The following PI4KA variants were observed in gnomAD, a reference collection of about 807,000 sequenced individuals.
PI4KA encodes PI4-kinase alpha.
PI4KA carries 122 observed loss-of-function variants against 271.4 expected under a neutral mutation model. That is an observed-to-expected ratio of 0.45 (90% CI 0.39 to 0.52). PI4KA has a LOEUF of 0.52. Among genes scored for constraint, PI4KA ranks in the 20% least tolerant of loss-of-function variants. The pLI is 0.00. For synonymous variants in PI4KA, 1,041 were observed against 1,078.8 expected (o/e 0.96, Z 0.69); for missense variants, 1,969 against 2,769.1 (o/e 0.71, Z 6.48).
At position 20,838,624 on chromosome 22, in the gene PI4KA, A is replaced by G; in HGVS notation, c.264T>C (p.Ser88=). The G allele has an allele frequency of 1.9e-6, 3 of 1,584,742 alleles. No homozygotes were observed. Among genetic ancestry groups the G allele is most frequent in the Non-Finnish European group, 2.6e-6 (3 of 1,153,362 alleles). ...VIALGIFLIE[S]DLQHKDCVVP... ...TTTCATGAAGACTTACCTGAAGATC[A>G]GATTCAATCAGAAAAATGCCCAATG... Residue 88 remains serine (S), a synonymous_variant, in exon 2 of 55, where the codon TCT becomes TCC. Coordinates refer to ENST00000255882, the MANE Select transcript of PI4KA (RefSeq NM_058004.4).
intron 32 of PI4KA, among the ~76,000 whole-genome samples, chr22:20,739,405 A>G (rs1929138111): frequency 6.6e-6 from 1 of 151,346 alleles, no homozygotes; most frequent in African/African-American, 2.4e-5. Context: ...AGGCCGAGGC[A>G]GCAGAATCAC....
intron 15 of PI4KA, 64 bp downstream of exon 15, chr22:20,799,607 G>A: frequency 2.7e-6 from 3 of 1,101,050 alleles, no homozygotes; most frequent in Non-Finnish European, 4.1e-6. Flanking sequence ...CACAATGCCA[G>A]GTGCCCCACA....
In PI4KA at chr22:20,858,672, G is replaced by C; in HGVS notation, c.54C>G (p.Gly18=). The C allele has an allele frequency of 6.8e-7, 1 of 1,468,994 alleles. No individual in the cohort carries two copies. Among genetic ancestry groups the C allele is most frequent in the Non-Finnish European group, 9.0e-7 (1 of 1,116,786 alleles). 91.0% of individuals were successfully genotyped at this position (1,468,994 alleles called of 1,614,324 possible). The change falls in exon 1 of 55, where the codon GGC becomes GGG. Residue 18 remains glycine, a synonymous_variant. Transcript: ENST00000255882. ...AGGCGCTGGAGCCGGAGCCGGAGCA[G>C]CCGCCGCCGCCTCCGCCTCCGCCTC... ...GGGGGGGGGG[G]CSGSGSSASR... is the part of the protein sequence containing the mutation.
At chr22:20,783,292 T>C (rs571973021) in intron 19 of PI4KA, among the ~76,000 whole-genome samples, 1 of 152,062 alleles carries the variant, frequency 6.6e-6, no homozygotes, top group South Asian at 2.1e-4. Context: ...GTGTGAGGGA[T>C]GAAGGCCATC....
At chr22:20,767,508 T>G (rs1322145025) in intron 19 of PI4KA, among the ~76,000 whole-genome samples, 1 of 152,102 alleles carries the variant, frequency 6.6e-6, no homozygotes, top group Non-Finnish European at 1.5e-5. Context: ...TTACCCAGGC[T>G]GGAGTGCAGT....
At chr22:20,774,561 G>A (rs552287332) in intron 19 of PI4KA, among the ~76,000 whole-genome samples, 188 of 152,240 alleles carry the variant, frequency 1.2e-3, no homozygotes, top group African/African-American at 4.2e-3. Flanking sequence ...AGGAGTTCAA[G>A]ACCAGCCTGA....
Position 20,783,943 on chromosome 22 carries a change from A to G in PI4KA, c.2328+9250T>C, listed in dbSNP as rs543743216. On this transcript the variant is annotated intron_variant, in intron 19 of 54. Coordinates refer to ENST00000255882, the MANE Select transcript of PI4KA (RefSeq NM_058004.4). ...ACGATTTCCCTAAAGGAACCTTCTC[A>G]TAACAGCCTCTTCCTGTGGCCTTTA... 8.7e-6 allele frequency: 14 copies of G among 1,614,174 alleles called. 1 individual carries two copies. The South Asian group carries it at 1.3e-4, about 15-fold the overall frequency.
chr22:20,726,476 G>A lies in PI4KA; in HGVS notation c.4995+12C>T, dbSNP rs745398403. The A allele has an allele frequency of 1.5e-5, 24 of 1,551,310 alleles. No individual in the cohort carries two copies. The East Asian group carries it at 5.7e-4, about 37-fold the overall frequency. ...GTGAGTGAAGAGGACGGCCATGCAG[G>A]TGCAGGCTTACCTTGTCGTACCTGA... On this transcript the variant is annotated intron_variant, in intron 42 of 54. Coordinates refer to ENST00000255882, the MANE Select transcript of PI4KA (RefSeq NM_058004.4).
intron 23 of PI4KA, among the ~76,000 whole-genome samples, chr22:20,760,889 C>T (rs1253731365): frequency 6.6e-6 from 1 of 152,168 alleles, no homozygotes; most frequent in African/African-American, 2.4e-5. Context: ...ATCTTGAACT[C>T]CTGGGCTCAA....
At chr22:20,828,705 C>T (rs953372095) in intron 3 of PI4KA, among the ~76,000 whole-genome samples, 1 of 152,080 alleles carries the variant, frequency 6.6e-6, no homozygotes, top group East Asian at 1.9e-4. Flanking sequence ...CAGATGCCTG[C>T]CACCATGCCT....
chr22:20,784,598 A>G (rs1569029791), intron 19 of PI4KA, among the ~76,000 whole-genome samples: 2 of 152,190 alleles, frequency 1.3e-5, no homozygotes, highest in Non-Finnish European at 2.9e-5. Flanking sequence ...TAACAGAATC[A>G]GCGATGCTGA....
At chr22:20,765,454 T>C in intron 20 of PI4KA, 131 bp downstream of exon 20, 1 of 763,854 alleles carries the variant, frequency 1.3e-6, no homozygotes, top group East Asian at 2.5e-5. Context: ...CACTTGCTAA[T>C]ACTTGCAGAA....
intron 32 of PI4KA, 54 bp downstream of exon 32, chr22:20,742,174 T>C: frequency 6.3e-7 from 1 of 1,581,634 alleles, no homozygotes; most frequent in Non-Finnish European, 8.6e-7. Context: ...GGAAGGCTCT[T>C]CCCGTCTGTT....
intron 29 of PI4KA, among the ~76,000 whole-genome samples, chr22:20,745,103 AGGG>A (rs753994045): frequency 7.9e-5 from 12 of 152,230 alleles, no homozygotes; most frequent in Non-Finnish European, 1.3e-4. Context: ...AAGGGGCTGA[AGGG>A]GAGAGCCAAG....
At chr22:20,765,763 A>C (rs1398006495) in intron 19 of PI4KA, 70 bp from the exon 20 acceptor site, 2 of 951,284 alleles carry the variant, frequency 2.1e-6, no homozygotes, top group Non-Finnish European at 3.4e-6. Flanking sequence ...GTAGGTGTAA[A>C]ATCAACCACA....
intron 3 of PI4KA, among the ~76,000 whole-genome samples, chr22:20,824,971 GA>G: frequency 6.7e-6 from 1 of 149,844 alleles, no homozygotes; most frequent in Non-Finnish European, 1.5e-5. Context: ...TTGGGAGGCT[GA>G]GACAGGAGAA....
At chr22:20,784,131 T>C (rs761234873) in intron 19 of PI4KA, 2 of 1,614,094 alleles carry the variant, frequency 1.2e-6, no homozygotes, top group Non-Finnish European at 1.7e-6. Context: ...CTGGAATACG[T>C]GGGGGGCATC....
intron 52 of PI4KA, 193 bp from the exon 53 acceptor site, chr22:20,710,190 G>A: frequency 3.1e-6 from 2 of 644,346 alleles, no homozygotes; most frequent in Non-Finnish European, 5.8e-6. Context: ...CCCAGGCAAG[G>A]GCTGCCCACA....
rs542939725 is a variant in PI4KA, at chr22:20,824,939, G to A, written c.368-525C>T. 2.2e-4 allele frequency among the ~76,000 whole-genome samples: 33 copies of A among 151,452 alleles called. No homozygotes were observed. The East Asian group carries it at 2.9e-3, about 13-fold the overall frequency. On this transcript the variant is annotated intron_variant, in intron 3 of 54. Coordinates refer to ENST00000255882, the MANE Select transcript of PI4KA (RefSeq NM_058004.4). ...ACAAAAATTAGCTGGGTGTGGTGGCGCACACCTGTAATCCCAGCCACTTGG... is the reference window on the plus strand; with the variant it reads ...ACAAAAATTAGCTGGGTGTGGTGGCACACACCTGTAATCCCAGCCACTTGG...
Sources: allele counts gnomAD v4.1 joint callset (sites outside exome capture counted in the v4.1 genomes callset), GRCh38; gene constraint gnomAD v4.1.1; transcripts MANE v1.5; gene names NCBI Gene and HGNC (gene_info 2026-07-23, HGNC 2026-07-21).